Variants in MGAT5 observed in about 807,000 individuals in gnomAD.
The protein encoded by MGAT5 is alpha-1,6-mannosylglycoprotein 6-beta-N-acetylglucosaminyltransferase.
In MGAT5, 30 loss-of-function variants were observed where a neutral mutation model predicts 94.3. That is an observed-to-expected ratio of 0.32 (90% CI 0.24 to 0.43). The LOEUF (loss-of-function observed/expected upper bound fraction) is 0.43, where lower values mean the gene tolerates loss of function less well. Among genes scored for constraint, MGAT5 ranks in the 20% least tolerant of loss-of-function variants. MGAT5 has a pLI of 1.00. For synonymous variants in MGAT5, 310 were observed against 322.9 expected, an observed-to-expected ratio of 0.96 and a Z score of 0.43; for missense variants, 691 against 905.5, an observed-to-expected ratio of 0.76 and a Z score of 3.04.
chr2:134,286,116 AC>A (rs1331434457), intron 2 of MGAT5, among the ~76,000 whole-genome samples: 1 of 124,584 alleles, frequency 8.0e-6, no homozygotes, highest in African/African-American at 2.8e-5. Context: ...AAAAATTCTT[AC>A]CCTTACCAAA....
chr2:134,222,363 G>A (rs529055317), intron 1 of MGAT5, among the ~76,000 whole-genome samples: 8 of 151,886 alleles, frequency 5.3e-5, no homozygotes, highest in South Asian at 2.1e-4. Flanking sequence ...AAACCCCTGC[G>A]TGCATCATTA....
chr2:134,149,221 G>C (rs1203550639), intron 1 of MGAT5, among the ~76,000 whole-genome samples: 1 of 152,148 alleles, frequency 6.6e-6, no homozygotes, highest in African/African-American at 2.4e-5. Context: ...TTATCCATCT[G>C]TGAATCTTTT....
intron 10 of MGAT5, among the ~76,000 whole-genome samples, chr2:134,375,830 G>T (rs773179714): frequency 6.6e-6 from 1 of 152,148 alleles, no homozygotes; most frequent in African/African-American, 2.4e-5. Context: ...AGCACATCTC[G>T]TCAACTGGAG....
At chr2:134,332,404 G>A (rs916205338) in intron 4 of MGAT5, among the ~76,000 whole-genome samples, 20 of 151,360 alleles carry the variant, frequency 1.3e-4, no homozygotes, top group African/African-American at 4.8e-4. Flanking sequence ...GCTGAAACTG[G>A]ATCCCTTCCT....
intron 2 of MGAT5, among the ~76,000 whole-genome samples, chr2:134,295,264 G>T (rs1402662824): frequency 6.6e-6 from 1 of 152,150 alleles, no homozygotes; most frequent in Non-Finnish European, 1.5e-5. Flanking sequence ...TATGGTGAAA[G>T]TACTTACAAG....
chr2:134,245,528 C>A (rs371934416), intron 1 of MGAT5, among the ~76,000 whole-genome samples: 2 of 152,296 alleles, frequency 1.3e-5, no homozygotes, highest in East Asian at 3.9e-4. Flanking sequence ...ATAAAATCAT[C>A]AAATGTTGGT....
intron 1 of MGAT5, among the ~76,000 whole-genome samples, chr2:134,218,833 A>C (rs1196725522): frequency 6.6e-6 from 1 of 152,164 alleles, no homozygotes; most frequent in Non-Finnish European, 1.5e-5. Context: ...TATTCATTCG[A>C]TTAGCCTGCC....
chr2:134,414,730 T>C (rs1351264372), intron 12 of MGAT5, among the ~76,000 whole-genome samples: 1 of 152,192 alleles, frequency 6.6e-6, no homozygotes, highest in Non-Finnish European at 1.5e-5. Flanking sequence ...TCAACTTGTA[T>C]AACTGAGACT....
intron 10 of MGAT5, among the ~76,000 whole-genome samples, chr2:134,379,449 A>G (rs1681399038): frequency 6.6e-6 from 1 of 152,204 alleles, no homozygotes; most frequent in South Asian, 2.1e-4. Context: ...CTTGCTAGGA[A>G]ACATCTGTAA....
At chr2:134,402,937 T>C (rs759938945) in intron 10 of MGAT5, 51 bp from the exon 11 acceptor site, 2 of 1,530,374 alleles carry the variant, frequency 1.3e-6, no homozygotes, top group East Asian at 4.7e-5. Context: ...TACAGGTTGT[T>C]ATGCAAATGA....
intron 2 of MGAT5, among the ~76,000 whole-genome samples, chr2:134,272,373 T>C (rs1684086141): frequency 6.6e-6 from 1 of 151,914 alleles, no homozygotes; most frequent in Non-Finnish European, 1.5e-5. Context: ...TGTTTTGTTT[T>C]TTTTTTCCTT....
intron 1 of MGAT5, among the ~76,000 whole-genome samples, chr2:134,174,016 A>G (rs532954938): frequency 6.6e-6 from 1 of 152,192 alleles, no homozygotes; most frequent in Admixed American, 6.5e-5. Context: ...TCCTGGCTTT[A>G]TGCTTAGATT....
At chr2:134,148,572 A>G (rs1687028507) in intron 1 of MGAT5, among the ~76,000 whole-genome samples, 1 of 152,224 alleles carries the variant, frequency 6.6e-6, no homozygotes, top group South Asian at 2.1e-4. Flanking sequence ...CTTTCCAGAA[A>G]AAACTATTGC....
chr2:134,165,529 A>C (rs752570392), intron 1 of MGAT5, among the ~76,000 whole-genome samples: 16 of 152,106 alleles, frequency 1.1e-4, no homozygotes, highest in South Asian at 2.1e-4. Context: ...TAATCTCAGC[A>C]CTTTGGGAAG....
intron 1 of MGAT5, among the ~76,000 whole-genome samples, chr2:134,157,132 G>T (rs767203419): frequency 5.3e-5 from 8 of 152,092 alleles, no homozygotes; most frequent in African/African-American, 1.2e-4. Flanking sequence ...GTTTAGAATG[G>T]TACTTACTTC....
In MGAT5 at chr2:134,268,167, C is replaced by A. The variant is rs560747097; in HGVS notation, c.242-2219C>A. ...ACCCGGCCCAAAGTGTCAGTAGTGC[C>A]GAGGTTGAGAAATCCTGAGTTAAGT... On this transcript the variant is annotated intron_variant, in intron 1 of 15. Coordinates refer to ENST00000281923, the MANE Select transcript of MGAT5 (RefSeq NM_002410.5). This position sits in a 1 kb window ranked among gnomAD's most constrained non-coding sequence, Gnocchi z 4.1. Among the ~76,000 whole-genome samples the A allele has an allele frequency of 6.6e-6, 1 of 152,232 alleles. No individual in the cohort carries two copies. Among genetic ancestry groups the A allele is most frequent in the South Asian group, 2.1e-4 (1 of 4,820 alleles).
At chr2:134,394,149 G>A (rs985314417) in intron 10 of MGAT5, among the ~76,000 whole-genome samples, 17 of 151,990 alleles carry the variant, frequency 1.1e-4, no homozygotes, top group African/African-American at 3.6e-4. Flanking sequence ...TATATGAGAC[G>A]TGCCCATTGG....
intron 9 of MGAT5, among the ~76,000 whole-genome samples, chr2:134,352,652 G>A (rs897858139): frequency 6.6e-6 from 1 of 152,152 alleles, no homozygotes; most frequent in Admixed American, 6.5e-5. Context: ...GTCTCTTAAT[G>A]TTCCCTATTT....
intron 1 of MGAT5, among the ~76,000 whole-genome samples, chr2:134,219,447 C>T (rs952478870): frequency 4.6e-5 from 7 of 152,172 alleles, no homozygotes; most frequent in South Asian, 2.1e-4. Context: ...TCTCCCATGC[C>T]GGTGACTCAT....
Sources: gnomAD v4.1 joint callset for allele counts (sites outside exome capture counted in the v4.1 genomes callset) on GRCh38, gnomAD v4.1.1 for gene constraint, Gnocchi (gnomAD v3.1) non-coding constraint, MANE v1.5 for transcripts, NCBI Gene and HGNC (gene_info 2026-07-23, HGNC 2026-07-21) for gene names.